Variants in NBEA observed in about 807,000 individuals in gnomAD.
NBEA encodes the protein lysosomal-trafficking regulator 2.
NBEA carries 44 observed loss-of-function variants against 343.4 expected under a neutral mutation model. The ratio of observed to expected loss-of-function variants is 0.13; its 90% CI spans 0.10 to 0.16. The LOEUF (loss-of-function observed/expected upper bound fraction) is 0.16, where lower values mean the gene tolerates loss of function less well. Ranked by LOEUF, NBEA falls within the 10% of genes least tolerant of loss-of-function variation. NBEA has a pLI of 1.00. For missense variants in NBEA, 2,555 were observed against 3,631.3 expected (o/e 0.70, Z 7.62); for synonymous variants, 1,175 against 1,238.7 (o/e 0.95, Z 1.08).
At chr13:35,154,652 G>C (rs1209278188) in intron 18 of NBEA, among the ~76,000 whole-genome samples, 1 of 152,168 alleles carries the variant, frequency 6.6e-6, no homozygotes, top group Non-Finnish European at 1.5e-5. Flanking sequence ...ATATAACAGT[G>C]AAGATGATGT....
chr13:35,583,574 C>T (rs2081154026), intron 45 of NBEA, among the ~76,000 whole-genome samples: 1 of 152,054 alleles, frequency 6.6e-6, no homozygotes, highest in Non-Finnish European at 1.5e-5. Flanking sequence ...CATTATGTAG[C>T]TTATTAAGTA....
chr13:35,621,336 G>C (rs1484815812), intron 48 of NBEA, among the ~76,000 whole-genome samples: 1 of 152,088 alleles, frequency 6.6e-6, no homozygotes, highest in African/African-American at 2.4e-5. Flanking sequence ...TGTTTGAAAT[G>C]CCCTTCTCCC....
intron 10 of NBEA, among the ~76,000 whole-genome samples, chr13:35,079,765 G>C (rs2064290796): frequency 1.3e-5 from 2 of 152,082 alleles, no homozygotes; most frequent in Admixed American, 6.6e-5. Flanking sequence ...CACCATGTTT[G>C]TTACATTTTA....
intron 32 of NBEA, among the ~76,000 whole-genome samples, chr13:35,210,465 C>T (rs924782896): frequency 1.3e-5 from 2 of 152,112 alleles, no homozygotes; most frequent in East Asian, 1.9e-4. Flanking sequence ...AGATGTCCCT[C>T]AACTCCACAG....
intron 49 of NBEA, among the ~76,000 whole-genome samples, chr13:35,632,665 G>A (rs1031227760): frequency 2.0e-5 from 3 of 151,606 alleles, no homozygotes; most frequent in Non-Finnish European, 4.4e-5. Context: ...GAAGTGCAGC[G>A]GCTTACTGCA....
intron 33 of NBEA, among the ~76,000 whole-genome samples, chr13:35,215,661 G>A (rs2074026650): frequency 6.6e-6 from 1 of 151,526 alleles, no homozygotes; most frequent in Non-Finnish European, 1.5e-5. Context: ...AGTAAACGTG[G>A]TAAGTTGTTT....
At chr13:35,109,630 TA>T (rs1566298770) in intron 12 of NBEA, among the ~76,000 whole-genome samples, 188 bp downstream of exon 12, 1 of 152,014 alleles carries the variant, frequency 6.6e-6, no homozygotes, top group Non-Finnish European at 1.5e-5. Context: ...AAACAATAGG[TA>T]AAAAAGAATC....
chr13:35,482,326 C>T (rs968751114), intron 41 of NBEA, among the ~76,000 whole-genome samples: 1 of 151,270 alleles, frequency 6.6e-6, no homozygotes, highest in Non-Finnish European at 1.5e-5. Context: ...TATATCTTTA[C>T]ATATAAGTAT....
rs1404093129 is a variant in NBEA, at chr13:35,071,113, A to T, written c.1571+261A>T. 1.4e-5 allele frequency: 4 copies of T among 285,580 alleles called. No individual in the cohort carries two copies. The South Asian group carries it at 5.8e-4, about 41-fold the overall frequency. The allele number at this position is 285,580 out of a possible 1,614,324, so 17.7% of individuals were successfully genotyped here. On this transcript the variant is annotated intron_variant, in intron 10 of 58. Transcript: ENST00000379939. ...TACCAAAGATAGCATAATGATTATA[A>T]TATGTAGTTGAGGGAAAAATATTAA...
chr13:35,110,815 G>T lies in NBEA; in HGVS notation c.1839G>T (p.Gln613His). The change falls in exon 13 of 59, where the codon CAG (glutamine) becomes CAT (histidine). Residue 613 changes from glutamine to histidine, a missense_variant. Physicochemically the swap from Gln to His is conservative, Grantham distance 24. Transcript: ENST00000379939. ...AIWIHTPAKV[Q>H]LSLYTYLSAE... ...CTGTTAATATTCTGTATTAGGTTCA[G>T]CTTTCCCTATACACATATTTGTCTG... The T allele has an allele frequency of 6.2e-7, 1 of 1,609,596 alleles. No homozygotes were observed. Among genetic ancestry groups the T allele is most frequent in the East Asian group, 2.2e-5 (1 of 44,682 alleles).
At chr13:35,547,235 A>G (rs997975276) in intron 41 of NBEA, among the ~76,000 whole-genome samples, 1 of 151,526 alleles carries the variant, frequency 6.6e-6, no homozygotes, top group African/African-American at 2.4e-5. Flanking sequence ...CCATTGTTCA[A>G]AATAGCTTTG....
chr13:35,650,031 T>A (rs1420307806), intron 52 of NBEA, among the ~76,000 whole-genome samples, 184 bp downstream of exon 52: 1 of 152,240 alleles, frequency 6.6e-6, no homozygotes, highest in African/African-American at 2.4e-5. Context: ...CTGCTGTATG[T>A]TAGTGCCTCA....
At chr13:35,584,522 C>CA in intron 46 of NBEA, among the ~76,000 whole-genome samples, 1 of 148,142 alleles carries the variant, frequency 6.8e-6, no homozygotes, top group East Asian at 2.0e-4. Context: ...TTTTTTGAGA[C>CA]AGAGTCTCGC....
At chr13:35,660,483 G>C (rs1195985769) in intron 55 of NBEA, among the ~76,000 whole-genome samples, 2 of 152,160 alleles carry the variant, frequency 1.3e-5, no homozygotes, top group African/African-American at 4.8e-5. Context: ...TTAAAAATAA[G>C]TATTTTAGCT....
chr13:35,490,248 G>A (rs1027541742), intron 41 of NBEA, among the ~76,000 whole-genome samples: 3 of 151,858 alleles, frequency 2.0e-5, no homozygotes, highest in Non-Finnish European at 2.9e-5. Flanking sequence ...TGTCCTATTT[G>A]ATCTTCTGTT....
chr13:35,176,574 A>G (rs993445234), intron 27 of NBEA, among the ~76,000 whole-genome samples: 3 of 152,040 alleles, frequency 2.0e-5, no homozygotes, highest in Admixed American at 6.6e-5. Context: ...TGGATAGACC[A>G]TGAAATGGTT....
intron 44 of NBEA, among the ~76,000 whole-genome samples, chr13:35,561,556 A>G (rs2079857016): frequency 6.6e-6 from 1 of 152,180 alleles, no homozygotes; most frequent in South Asian, 2.1e-4. Context: ...TTTCCCAAAA[A>G]TATTATTTTA....
rs528962163 is a variant in NBEA, at chr13:35,606,360, G to A, written c.7297-66G>A. 5.7e-5 allele frequency: 50 copies of A among 876,796 alleles called. No homozygotes were observed. In the South Asian group the frequency reaches 1.5e-3, roughly 27 times the overall value. 54.3% of individuals were successfully genotyped at this position (876,796 alleles called of 1,614,324 possible). On this transcript the variant is annotated intron_variant, in intron 47 of 58. Coordinates refer to ENST00000379939, the MANE Select transcript of NBEA (RefSeq NM_001385012.1). Reference sequence around the variant, plus strand: ...TCCATTTATAGTTAATAAGTTATAAGTTAATAGTTTTATTCAACTGATTTT... The same window carrying A: ...TCCATTTATAGTTAATAAGTTATAAATTAATAGTTTTATTCAACTGATTTT...
rs140285647 is a variant in NBEA at position 35,601,091 on chromosome 13, C to A, written c.7297-5335C>A. On this transcript the variant is annotated intron_variant, in intron 47 of 58. Transcript: ENST00000379939. ...ACTCGGGATGCTGAGGCTCAAGAAT[C>A]GCTTGAACCTGGGAGGCAGAGGTTG... Among the ~76,000 whole-genome samples the A allele has an allele frequency of 1.2e-4, 18 of 152,024 alleles. No homozygotes were observed. The South Asian group carries it at 3.5e-3, about 30-fold the overall frequency.
Sources: gnomAD v4.1 joint callset for allele counts (sites outside exome capture counted in the v4.1 genomes callset) on GRCh38, gnomAD v4.1.1 for gene constraint, MANE v1.5 for transcripts, NCBI Gene and HGNC (gene_info 2026-07-23, HGNC 2026-07-21) for gene names.